Variants in TNR observed in about 807,000 individuals in gnomAD.
The protein encoded by TNR is tenascin-R.
In TNR, 45 loss-of-function variants were observed where a neutral mutation model predicts 150.4. The observed-to-expected ratio is 0.30, with a 90% CI of 0.24 to 0.38. The LOEUF is 0.38. Ranked by LOEUF, TNR falls within the 10% of genes least tolerant of loss-of-function variation. The pLI is 1.00. For synonymous variants in TNR, 687 were observed against 678.4 expected (o/e 1.01, Z -0.20); for missense variants, 1,544 against 1,759.1 (o/e 0.88, Z 2.19).
At chr1:175,328,903 C>T (rs1557865572) in intron 21 of TNR, among the ~76,000 whole-genome samples, 1 of 152,354 alleles carries the variant, frequency 6.6e-6, no homozygotes, top group Middle Eastern at 3.4e-3. Context: ...CAATTCTAAT[C>T]TTAGAAGTGA....
intron 2 of TNR, among the ~76,000 whole-genome samples, chr1:175,486,360 G>A (rs981341506): frequency 6.6e-6 from 1 of 151,860 alleles, no homozygotes; most frequent in South Asian, 2.1e-4. Context: ...CCACTTGTGA[G>A]TGAGAACATG....
chr1:175,572,480 T>C (rs1661918033), intron 1 of TNR, among the ~76,000 whole-genome samples: 1 of 152,132 alleles, frequency 6.6e-6, no homozygotes, highest in Admixed American at 6.5e-5. Flanking sequence ...GATATTCCTC[T>C]TGATATTTTC....
chr1:175,390,421 A>G (rs1653118970), intron 7 of TNR, among the ~76,000 whole-genome samples: 1 of 152,228 alleles, frequency 6.6e-6, no homozygotes, highest in South Asian at 2.1e-4. Flanking sequence ...AGCTCCATCA[A>G]CAATAAAATG....
chr1:175,721,117 C>T (rs1001976745), intron 1 of TNR, among the ~76,000 whole-genome samples: 2 of 152,164 alleles, frequency 1.3e-5, no homozygotes, highest in Non-Finnish European at 2.9e-5. Flanking sequence ...CTGGCTTCTG[C>T]TCATCATTCA....
At chr1:175,361,818 A>C (rs1177436123) in intron 14 of TNR, among the ~76,000 whole-genome samples, 1 of 152,142 alleles carries the variant, frequency 6.6e-6, no homozygotes, top group African/African-American at 2.4e-5. Flanking sequence ...CCTGCTAGTG[A>C]GTTCTGCAGC....
At chr1:175,709,566 GA>G (rs981093248) in intron 1 of TNR, among the ~76,000 whole-genome samples, 1 of 152,214 alleles carries the variant, frequency 6.6e-6, no homozygotes, top group Admixed American at 6.5e-5. Context: ...AGTTAAAACA[GA>G]AAAGTTTGGA....
At chr1:175,421,442 A>C (rs1654753451) in intron 2 of TNR, among the ~76,000 whole-genome samples, 1 of 152,222 alleles carries the variant, frequency 6.6e-6, no homozygotes, top group South Asian at 2.1e-4. Context: ...CTATTCACTA[A>C]ATAGAAAGCC....
chr1:175,372,544 GA>G, intron 9 of TNR, among the ~76,000 whole-genome samples: 1 of 152,362 alleles, frequency 6.6e-6, no homozygotes, highest in South Asian at 2.1e-4. Flanking sequence ...ATTAGGGCTA[GA>G]AAGGAACAGG....
chr1:175,608,204 T>C (rs6695484), intron 1 of TNR, among the ~76,000 whole-genome samples: 3,015 of 152,324 alleles, frequency 0.02, 76 homozygotes, highest in African/African-American at 0.064. Flanking sequence ...ACACATTCTA[T>C]GGAAATTTAA....
Position 175,335,827 on chromosome 1 carries a change from A to T in TNR, c.3535-20T>A, listed in dbSNP as rs1424103539. 3 of 1,597,974 alleles carry T rather than the reference A, an allele frequency of 1.9e-6. No homozygotes were observed. Among genetic ancestry groups the T allele is most frequent in the Non-Finnish European group, 2.6e-6 (3 of 1,174,150 alleles). Reference sequence around the variant, plus strand: ...GAATACCTATGAAGGAAATAAAAAAACAAAAAACAAACAAACAAAAAAACA... The same window carrying T: ...GAATACCTATGAAGGAAATAAAAAATCAAAAAACAAACAAACAAAAAAACA... On this transcript the variant is annotated intron_variant, in intron 19 of 22. Transcript: ENST00000367674.
chr1:175,723,650 C>A (rs1412212970), intron 1 of TNR, among the ~76,000 whole-genome samples: 2 of 152,152 alleles, frequency 1.3e-5, no homozygotes, highest in African/African-American at 4.8e-5. Context: ...AGCGAGTGGA[C>A]CACTTGAGGC....
chr1:175,662,630 T>A (rs1337657328), intron 1 of TNR, among the ~76,000 whole-genome samples: 1 of 152,220 alleles, frequency 6.6e-6, no homozygotes, highest in Non-Finnish European at 1.5e-5. Context: ...AGCATCTTCT[T>A]TCTATCACTG....
At chr1:175,475,110 C>G (rs1657489050) in intron 2 of TNR, among the ~76,000 whole-genome samples, 1 of 152,150 alleles carries the variant, frequency 6.6e-6, no homozygotes, top group African/African-American at 2.4e-5. Flanking sequence ...TCTTTATCAC[C>G]CAAGTCACCA....
At chr1:175,520,507 C>T (rs932830181) in intron 2 of TNR, among the ~76,000 whole-genome samples, 6 of 152,204 alleles carry the variant, frequency 3.9e-5, no homozygotes, top group Non-Finnish European at 7.3e-5. Context: ...TCACAAATAG[C>T]CCTGCTCTGT....
intron 18 of TNR, among the ~76,000 whole-genome samples, chr1:175,351,075 G>A (rs1651030119): frequency 6.6e-6 from 1 of 152,178 alleles, no homozygotes; most frequent in South Asian, 2.1e-4. Context: ...TCACCTGGGA[G>A]GCTTCCAGTG....
intron 4 of TNR, among the ~76,000 whole-genome samples, chr1:175,398,998 TAC>T (rs781617790): frequency 2.0e-5 from 3 of 152,210 alleles, no homozygotes; most frequent in Non-Finnish European, 4.4e-5. Flanking sequence ...CCTGATGTTC[TAC>T]AGTTTTCATT....
chr1:175,455,408 G>A (rs1279236933), intron 2 of TNR, among the ~76,000 whole-genome samples: 1 of 152,202 alleles, frequency 6.6e-6, no homozygotes, highest in African/African-American at 2.4e-5. Context: ...ACCTTACAAA[G>A]CATCTAGCTT....
At chr1:175,721,567 T>C (rs996615892) in intron 1 of TNR, among the ~76,000 whole-genome samples, 1 of 152,166 alleles carries the variant, frequency 6.6e-6, no homozygotes, top group African/African-American at 2.4e-5. Context: ...CTCCTGACAA[T>C]GCCGTGGGCT....
intron 1 of TNR, among the ~76,000 whole-genome samples, chr1:175,654,552 C>T (rs368521467): frequency 1.6e-4 from 25 of 152,080 alleles, no homozygotes; most frequent in African/African-American, 5.3e-4. Flanking sequence ...TATCCCAAGA[C>T]CCAGCAAAGC....
Sources: allele counts gnomAD v4.1 joint callset (sites outside exome capture counted in the v4.1 genomes callset), GRCh38; gene constraint gnomAD v4.1.1; transcripts MANE v1.5; gene names NCBI Gene and HGNC (gene_info 2026-07-23, HGNC 2026-07-21).